Variants in OSBPL8 observed in about 807,000 individuals in gnomAD.
The protein encoded by OSBPL8 is oxysterol-binding protein-related protein 8.
In OSBPL8, 59 loss-of-function variants were observed where a neutral mutation model predicts 125.5. That is an observed-to-expected ratio of 0.47 (90% CI 0.38 to 0.58). OSBPL8 has a LOEUF of 0.58. OSBPL8 is among the 20% of genes least tolerant of loss of function. The pLI is 0.00. For missense variants in OSBPL8, 758 were observed against 1,047.8 expected (o/e 0.72, Z 3.82); for synonymous variants, 330 against 338.9 (o/e 0.97, Z 0.29).
intron 4 of OSBPL8, among the ~76,000 whole-genome samples, chr12:76,415,921 T>A (rs565681396): frequency 6.6e-6 from 1 of 152,284 alleles, no homozygotes; most frequent in South Asian, 2.1e-4. Flanking sequence ...TTCCATTAAT[T>A]CTTAGTCTTA....
intron 1 of OSBPL8, among the ~76,000 whole-genome samples, chr12:76,547,893 G>A (rs1950824557): frequency 6.6e-6 from 1 of 152,146 alleles, no homozygotes; most frequent in Non-Finnish European, 1.5e-5. Context: ...CAAAAACTAT[G>A]AAGCAAGCAA....
At chr12:76,448,343 T>C (rs1256776029) in intron 4 of OSBPL8, among the ~76,000 whole-genome samples, 3 of 152,194 alleles carry the variant, frequency 2.0e-5, no homozygotes, top group African/African-American at 7.2e-5. Context: ...ACTAACCCTT[T>C]TGTTGGTTCA....
intron 1 of OSBPL8, among the ~76,000 whole-genome samples, chr12:76,488,387 A>C (rs1878378586): frequency 1.3e-5 from 2 of 152,176 alleles, no homozygotes; most frequent in Admixed American, 6.5e-5. Context: ...GTATATCTAC[A>C]GGCATGCCTT....
chr12:76,558,825 G>C (rs1206704840), intron 1 of OSBPL8, among the ~76,000 whole-genome samples: 1 of 152,198 alleles, frequency 6.6e-6, no homozygotes, highest in African/African-American at 2.4e-5. Flanking sequence ...ACTCTTGAGA[G>C]AGGGCTTAGA....
At chr12:76,472,824 A>T (rs1260594051) in intron 2 of OSBPL8, among the ~76,000 whole-genome samples, 1 of 152,212 alleles carries the variant, frequency 6.6e-6, no homozygotes, top group African/African-American at 2.4e-5. Context: ...ACTGAAGCAC[A>T]GCATCACAGG....
At chr12:76,494,663 TAGA>T (rs1375942260) in intron 1 of OSBPL8, among the ~76,000 whole-genome samples, 1 of 152,118 alleles carries the variant, frequency 6.6e-6, no homozygotes, top group Admixed American at 6.6e-5. Flanking sequence ...CTCAAATGAC[TAGA>T]AGGATGGTGA....
intron 1 of OSBPL8, among the ~76,000 whole-genome samples, chr12:76,496,593 T>G (rs1879301691): frequency 6.6e-6 from 1 of 151,734 alleles, no homozygotes; most frequent in South Asian, 2.1e-4. Context: ...CAGGCTGGAG[T>G]GCAATGGCAG....
intron 3 of OSBPL8, among the ~76,000 whole-genome samples, chr12:76,454,468 T>G (rs1873773920): frequency 6.6e-6 from 1 of 151,862 alleles, no homozygotes; most frequent in Non-Finnish European, 1.5e-5. Flanking sequence ...GTGGGAGGAT[T>G]GCTTGAGGCC....
rs1191152041 is a variant in OSBPL8, at chr12:76,354,815, C to T, written c.*1074G>A. 2 of 151,914 alleles carry T rather than the reference C, an allele frequency of 1.3e-5. No individual in the cohort carries two copies. Among genetic ancestry groups the T allele is most frequent in the South Asian group, 2.1e-4 (1 of 4,832 alleles). 9.4% of individuals were successfully genotyped at this position (151,914 alleles called of 1,614,324 possible). A position where few individuals can be genotyped will look rare whatever the true frequency, so the allele number is the denominator to read the frequency against. On this transcript the variant is annotated 3_prime_UTR_variant, in exon 24 of 24. Transcript: ENST00000261183. Reference sequence around the variant, plus strand: ...TTAAACTTCAGAACTTGATACTCTTCGTAGATACTCAACTTATTACACGTT... The same window carrying T: ...TTAAACTTCAGAACTTGATACTCTTTGTAGATACTCAACTTATTACACGTT...
chr12:76,408,285 C>T (rs1474467553), intron 5 of OSBPL8, among the ~76,000 whole-genome samples: 2 of 150,676 alleles, frequency 1.3e-5, no homozygotes, highest in African/African-American at 4.9e-5. Context: ...CACGGTGAAA[C>T]CCTGTCTCTA....
intron 15 of OSBPL8, among the ~76,000 whole-genome samples, chr12:76,382,505 G>C (rs1307967357): frequency 6.6e-6 from 1 of 152,140 alleles, no homozygotes. Flanking sequence ...TCTCCCAACT[G>C]TGAGAACCCA....
chr12:76,361,666 C>T (rs1052700693), intron 21 of OSBPL8, among the ~76,000 whole-genome samples: 3 of 152,164 alleles, frequency 2.0e-5, no homozygotes, highest in African/African-American at 7.2e-5. Context: ...ATAATCATGG[C>T]AGAGGGTGAA....
chr12:76,443,604 G>A (rs1458112085), intron 4 of OSBPL8, among the ~76,000 whole-genome samples: 2 of 152,264 alleles, frequency 1.3e-5, no homozygotes, highest in East Asian at 3.9e-4. Flanking sequence ...TGCCTTCCAA[G>A]TTCAAGTGAT....
intron 15 of OSBPL8, among the ~76,000 whole-genome samples, chr12:76,382,253 T>C (rs1366094983): frequency 6.6e-6 from 1 of 152,216 alleles, no homozygotes; most frequent in Admixed American, 6.5e-5. Flanking sequence ...CCTGTTTCTT[T>C]TATACATTAT....
chr12:76,401,925 GA>G (rs1188611801), intron 6 of OSBPL8, among the ~76,000 whole-genome samples: 3 of 152,136 alleles, frequency 2.0e-5, no homozygotes, highest in Admixed American at 2.0e-4. Flanking sequence ...ATTTGGATGG[GA>G]AAAGAGTGAT....
chr12:76,405,702 G>A (rs1954232518), intron 5 of OSBPL8, among the ~76,000 whole-genome samples: 1 of 152,028 alleles, frequency 6.6e-6, no homozygotes, highest in African/African-American at 2.4e-5. Flanking sequence ...TACTACCTCG[G>A]TTTTCTGAAT....
rs146471534 is a variant in OSBPL8 at position 76,355,606 on chromosome 12, T to C, written c.*283A>G. ...TCAGGTAGGAGTACATAAGAGACAA[T>C]TGTGTATACATGTGGGTTTATTATA... On this transcript the variant is annotated 3_prime_UTR_variant, in exon 24 of 24. Transcript: ENST00000261183. 3.8e-4 allele frequency: 96 copies of C among 255,620 alleles called. No homozygotes were observed. The East Asian group carries it at 7.0e-3, about 19-fold the overall frequency. The allele number at this position is 255,620 out of a possible 1,614,324, so 15.8% of individuals were successfully genotyped here. A position where few individuals can be genotyped will look rare whatever the true frequency, so the allele number is the denominator to read the frequency against.
rs1181224054 is a variant in OSBPL8 at position 76,411,171 on chromosome 12, A to G, written c.218-537T>C. Among the ~76,000 whole-genome samples, 25 of 152,192 alleles carry G rather than the reference A, an allele frequency of 1.6e-4. 1 individual carries two copies. The highest frequency in any genetic ancestry group is 1.6e-3 in the Admixed American group (25 of 15,278). On this transcript the variant is annotated intron_variant, in intron 4 of 23. Coordinates refer to ENST00000261183, the MANE Select transcript of OSBPL8 (RefSeq NM_020841.5). ...ATGTTCACCTTTATTATCATTTTCTATTCTTATTCTAAAAGGATGAATCTT... is the reference window on the plus strand; with the variant it reads ...ATGTTCACCTTTATTATCATTTTCTGTTCTTATTCTAAAAGGATGAATCTT...
rs1269074429 is a variant in OSBPL8 at position 76,352,433 on chromosome 12, ATATAC to A, written c.*3451_*3455del. On this transcript the variant is annotated 3_prime_UTR_variant, in exon 24 of 24. Transcript: ENST00000261183. The stretch of plus-strand genomic sequence containing the variant: ...TAAAGAGTAACAAAAAGTAAATTAA[ATATAC>A]TAAACTCACACAACAGGTAGAATAA... 6.6e-6 allele frequency: 1 copy of A among 152,568 alleles called. No individual in the cohort carries two copies. Among genetic ancestry groups the A allele is most frequent in the Non-Finnish European group, 1.5e-5 (1 of 67,970 alleles). 9.5% of individuals were successfully genotyped at this position (152,568 alleles called of 1,614,324 possible). A position where few individuals can be genotyped will look rare whatever the true frequency, so the allele number is the denominator to read the frequency against.
Sources: allele counts gnomAD v4.1 joint callset (sites outside exome capture counted in the v4.1 genomes callset), GRCh38; gene constraint gnomAD v4.1.1; transcripts MANE v1.5; gene names NCBI Gene and HGNC (gene_info 2026-07-23, HGNC 2026-07-21).